PLD1: variants seen among roughly 807,000 people sequenced by gnomAD.
PLD1 encodes choline phosphatase 1.
PLD1 carries 112 observed loss-of-function variants against 137.1 expected under a neutral mutation model. The observed-to-expected ratio is 0.82, with a 90% CI of 0.70 to 0.96. The LOEUF (loss-of-function observed/expected upper bound fraction) is 0.96. Among genes scored for constraint, PLD1 ranks in the 40% least tolerant of loss-of-function variants. The probability of loss-of-function intolerance (pLI) is 0.00; values close to 1 mark genes in which losing one functional copy is unlikely to be tolerated. For missense variants in PLD1, 1,321 were observed against 1,342.0 expected, an observed-to-expected ratio of 0.98 and a Z score of 0.24; for synonymous variants, 431 against 454.7, an observed-to-expected ratio of 0.95 and a Z score of 0.66.
intron 1 of PLD1, among the ~76,000 whole-genome samples, chr3:171,807,399 A>ATGTTATTTTAT (rs1560313213): frequency 6.6e-6 from 1 of 152,246 alleles, no homozygotes; most frequent in African/African-American, 2.4e-5. Context: ...TATCATTAAA[A>ATGTTATTTTAT]TGTTATTAAA....
chr3:171,606,933 A>G (rs1158427244), intron 25 of PLD1, among the ~76,000 whole-genome samples: 1 of 152,220 alleles, frequency 6.6e-6, no homozygotes, highest in Non-Finnish European at 1.5e-5. Context: ...TTACTGCAAG[A>G]AAGGCTGTAC....
intron 23 of PLD1, among the ~76,000 whole-genome samples, chr3:171,638,902 C>G (rs1351780294): frequency 6.6e-6 from 1 of 152,090 alleles, no homozygotes; most frequent in Non-Finnish European, 1.5e-5. Context: ...CAGAGGAGAT[C>G]AAGAGACAGA....
At chr3:171,638,184 CA>C (rs1040418705) in intron 23 of PLD1, among the ~76,000 whole-genome samples, 5,165 of 66,928 alleles carry the variant, frequency 0.077, 61 homozygotes, top group African/African-American at 0.14. Context: ...GACTCCGTCT[CA>C]AAAAAAAAAA....
intron 1 of PLD1, among the ~76,000 whole-genome samples, chr3:171,754,376 G>A (rs1720870783): frequency 6.6e-6 from 1 of 152,040 alleles, no homozygotes; most frequent in Non-Finnish European, 1.5e-5. Flanking sequence ...ATCCTACAGG[G>A]GAAACTATTA....
chr3:171,725,559 C>T (rs1718441231), intron 7 of PLD1, among the ~76,000 whole-genome samples: 1 of 152,162 alleles, frequency 6.6e-6, no homozygotes, highest in Non-Finnish European at 1.5e-5. Flanking sequence ...GAAAGTTAAG[C>T]TCTTTATGTT....
At chr3:171,693,388 C>T (rs993064840) in intron 12 of PLD1, among the ~76,000 whole-genome samples, 2 of 152,100 alleles carry the variant, frequency 1.3e-5, no homozygotes, top group South Asian at 4.1e-4. Flanking sequence ...CTGGTATTTT[C>T]CATTCTAGTT....
chr3:171,693,115 G>T (rs902385077), intron 12 of PLD1, among the ~76,000 whole-genome samples: 1 of 152,126 alleles, frequency 6.6e-6, no homozygotes, highest in Non-Finnish European at 1.5e-5. Flanking sequence ...CTATTTAATC[G>T]AGTCAAATTA....
At chr3:171,705,253 C>T (rs550727523) in intron 11 of PLD1, among the ~76,000 whole-genome samples, 2 of 152,300 alleles carry the variant, frequency 1.3e-5, no homozygotes, top group South Asian at 4.1e-4. Context: ...GAAATAATGG[C>T]TAACAATTTC....
intron 6 of PLD1, among the ~76,000 whole-genome samples, chr3:171,728,954 G>A (rs753502018): frequency 1.3e-5 from 2 of 152,024 alleles, no homozygotes; most frequent in African/African-American, 4.8e-5. Flanking sequence ...GGCAATAAAC[G>A]TTTTTCTAAT....
At chr3:171,769,377 A>T (rs1342515028) in intron 1 of PLD1, among the ~76,000 whole-genome samples, 1 of 152,246 alleles carries the variant, frequency 6.6e-6, no homozygotes, top group Non-Finnish European at 1.5e-5. Flanking sequence ...ATTTCTCTCT[A>T]AAATCATCAG....
intron 1 of PLD1, among the ~76,000 whole-genome samples, chr3:171,739,458 T>G (rs1437335111): frequency 6.6e-6 from 1 of 152,186 alleles, no homozygotes; most frequent in Non-Finnish European, 1.5e-5. Context: ...TCATGTTTCT[T>G]TCTCTATGTT....
At chr3:171,804,003 C>G (rs1723747449) in intron 1 of PLD1, among the ~76,000 whole-genome samples, 1 of 152,176 alleles carries the variant, frequency 6.6e-6, no homozygotes, top group Non-Finnish European at 1.5e-5. Context: ...TACCTTACCT[C>G]TTACCTCTTT....
intron 1 of PLD1, among the ~76,000 whole-genome samples, chr3:171,755,462 G>A (rs1275779382): frequency 6.6e-6 from 1 of 152,058 alleles, no homozygotes; most frequent in Non-Finnish European, 1.5e-5. Flanking sequence ...CAGCTTACAT[G>A]TTCTCACACT....
intron 25 of PLD1, among the ~76,000 whole-genome samples, chr3:171,608,255 C>T (rs1732368202): frequency 6.6e-6 from 1 of 152,124 alleles, no homozygotes; most frequent in Non-Finnish European, 1.5e-5. Flanking sequence ...AAACCCAAAG[C>T]TTTATTGAAG....
chr3:171,668,722 T>G (rs1712419794), intron 19 of PLD1, among the ~76,000 whole-genome samples: 1 of 152,178 alleles, frequency 6.6e-6, no homozygotes, highest in Non-Finnish European at 1.5e-5. Context: ...GTCCAAGGAA[T>G]GGTTTCTACT....
chr3:171,644,994 A>G lies in PLD1; in HGVS notation c.2459T>C (p.Val820Ala), dbSNP rs1210707468. The G allele has an allele frequency of 6.2e-7, 1 of 1,613,618 alleles. No homozygotes were observed. The highest frequency in any genetic ancestry group is 2.2e-5 in the East Asian group (1 of 44,880). ...TTCGAACCCTGGCAGAAGTGGTATC[A>G]CGACATATACCCGGTATTTCTGGTT... Reference protein sequence around the residue: ...RENQKYRVYVVIPLLPGFEGD... With the variant: ...RENQKYRVYVAIPLLPGFEGD... The change falls in exon 22 of 27, where the codon GTG (valine) becomes GCG (alanine). Residue 820 changes from valine to alanine, a missense_variant. Coordinates refer to ENST00000351298, the MANE Select transcript of PLD1 (RefSeq NM_002662.5).
At chr3:171,634,211 T>C (rs3774042) in intron 23 of PLD1, among the ~76,000 whole-genome samples, 38,719 of 152,020 alleles carry the variant, frequency 0.25, 5,303 homozygotes, top group Admixed American at 0.31. Flanking sequence ...GGCTTAGCAT[T>C]GAAATTAATT....
chr3:171,745,814 C>T (rs111930666), intron 1 of PLD1, among the ~76,000 whole-genome samples: 20,967 of 152,132 alleles, frequency 0.14, 1,514 homozygotes, highest in South Asian at 0.22. Context: ...TTCAGCCCAC[C>T]GCTGCACTGT....
At chr3:171,790,453 C>A (rs1034773334) in intron 1 of PLD1, among the ~76,000 whole-genome samples, 2 of 152,212 alleles carry the variant, frequency 1.3e-5, no homozygotes, top group African/African-American at 4.8e-5. Flanking sequence ...CAGAAAGACA[C>A]TAAAGAATCT....
Sources: gnomAD v4.1 joint callset for allele counts (sites outside exome capture counted in the v4.1 genomes callset) on GRCh38, gnomAD v4.1.1 for gene constraint, MANE v1.5 for transcripts, NCBI Gene and HGNC (gene_info 2026-07-23, HGNC 2026-07-21) for gene names.